Variants in ARSB observed in about 807,000 individuals in gnomAD.
ARSB encodes the protein arylsulfatase B.
A neutral mutation model predicts 50.9 loss-of-function variants in ARSB; 41 were observed. That is an observed-to-expected ratio of 0.81 (90% confidence interval 0.63 to 1.04). The LOEUF (loss-of-function observed/expected upper bound fraction) is 1.04. Among genes scored for constraint, ARSB ranks in the 50% least tolerant of loss-of-function variants. The pLI is 0.00. For synonymous variants in ARSB, 269 were observed against 284.8 expected (o/e 0.94, Z 0.56); for missense variants, 672 against 693.3 (o/e 0.97, Z 0.35).
At chr5:78,889,039 A>C (rs1748164372) in intron 4 of ARSB, among the ~76,000 whole-genome samples, 1 of 152,192 alleles carries the variant, frequency 6.6e-6, no homozygotes, top group Admixed American at 6.5e-5. Flanking sequence ...TTGTACCCCC[A>C]CAGATGGCAC....
chr5:78,942,153 T>C (rs1470598743), intron 4 of ARSB, among the ~76,000 whole-genome samples: 1 of 152,186 alleles, frequency 6.6e-6, no homozygotes, highest in African/African-American at 2.4e-5. Context: ...TTTTATTGCA[T>C]CTATTTGATT....
intron 5 of ARSB, among the ~76,000 whole-genome samples, chr5:78,862,353 G>A (rs1279000602): frequency 3.3e-5 from 5 of 152,110 alleles, no homozygotes; most frequent in African/African-American, 2.4e-5. Context: ...CACGCTACCT[G>A]ACTTCAAACT....
intron 1 of ARSB, among the ~76,000 whole-genome samples, chr5:78,976,086 T>C (rs1322772341): frequency 1.3e-5 from 2 of 152,066 alleles, no homozygotes; most frequent in Non-Finnish European, 2.9e-5. Context: ...AAAATAAATA[T>C]AAAATCGATT....
chr5:78,952,090 C>T (rs61284027), intron 4 of ARSB, among the ~76,000 whole-genome samples: 8,143 of 152,066 alleles, frequency 0.054, 582 homozygotes, highest in African/African-American at 0.16. Flanking sequence ...AATATAGTAT[C>T]AAAATATAAG....
chr5:78,809,209 T>A (rs903221497), intron 6 of ARSB, among the ~76,000 whole-genome samples: 1 of 152,180 alleles, frequency 6.6e-6, no homozygotes, highest in Non-Finnish European at 1.5e-5. Context: ...CCGAGGGGGT[T>A]GCAATCAGTA....
rs1321992181 is a variant in ARSB, at chr5:78,778,144, A to G, written c.*2253T>C. On this transcript the variant is annotated 3_prime_UTR_variant, in exon 8 of 8. Coordinates refer to ENST00000264914, the MANE Select transcript of ARSB (RefSeq NM_000046.5). ...TAGGTGCCCTGTAGCGATGGCCTCC[A>G]ACGGCTACCTACACCCAGCCCTGGG... 1 of 152,192 alleles carries G rather than the reference A, an allele frequency of 6.6e-6. No homozygotes were observed. The highest frequency in any genetic ancestry group is 2.4e-5 in the African/African-American group (1 of 41,432). The allele number at this position is 152,192 out of a possible 1,614,324, so 9.4% of individuals were successfully genotyped here. A position where few individuals can be genotyped will look rare whatever the true frequency, so the allele number is the denominator to read the frequency against.
Position 78,940,643 on chromosome 5 carries a change from T to G in ARSB, c.898+14652A>C, listed in dbSNP as rs1323612714. Among the ~76,000 whole-genome samples, 10 of 152,360 alleles carry G rather than the reference T, an allele frequency of 6.6e-5. No individual in the cohort carries two copies. In the East Asian group the frequency reaches 1.9e-3, roughly 29 times the overall value. ...GGCTCTGTTCTGTTCCATTGGTCTA[T>G]ATCTCTGTTTTGGTACCAGTACCAT... On this transcript the variant is annotated intron_variant, in intron 4 of 7. Transcript: ENST00000264914.
chr5:78,827,685 T>A (rs1744492966), intron 6 of ARSB, among the ~76,000 whole-genome samples: 2 of 152,230 alleles, frequency 1.3e-5, no homozygotes, highest in East Asian at 1.9e-4. Context: ...CTTAAGGATA[T>A]GGGACTTGGA....
intron 6 of ARSB, among the ~76,000 whole-genome samples, chr5:78,807,294 C>A (rs1001262532): frequency 1.5e-4 from 23 of 152,282 alleles, no homozygotes; most frequent in Admixed American, 6.5e-5. Flanking sequence ...TTGGTGGTCC[C>A]CAAGCTCTAT....
At chr5:78,948,161 G>A (rs1751331756) in intron 4 of ARSB, among the ~76,000 whole-genome samples, 1 of 152,104 alleles carries the variant, frequency 6.6e-6, no homozygotes, top group Admixed American at 6.5e-5. Flanking sequence ...GGGTAGGGGG[G>A]AAGTGGGTAT....
chr5:78,932,690 T>G (rs1750386967), intron 4 of ARSB, among the ~76,000 whole-genome samples: 1 of 152,216 alleles, frequency 6.6e-6, no homozygotes, highest in African/African-American at 2.4e-5. Flanking sequence ...CTTCTTCATC[T>G]AGAAATTGGG....
intron 4 of ARSB, among the ~76,000 whole-genome samples, chr5:78,908,618 G>A (rs1749170009): frequency 6.6e-6 from 1 of 152,176 alleles, no homozygotes; most frequent in Non-Finnish European, 1.5e-5. Flanking sequence ...CTCAGTTAAT[G>A]GCTTGAGTGT....
At chr5:78,813,224 C>T (rs776803640) in intron 6 of ARSB, among the ~76,000 whole-genome samples, 7 of 151,950 alleles carry the variant, frequency 4.6e-5, no homozygotes, top group Non-Finnish European at 8.8e-5. Context: ...GCCACCACAC[C>T]GGCTAATTTT....
At chr5:78,955,950 C>T (rs1246240445) in intron 3 of ARSB, among the ~76,000 whole-genome samples, 1 of 152,150 alleles carries the variant, frequency 6.6e-6, no homozygotes, top group Admixed American at 6.5e-5. Flanking sequence ...TAAAATGGCA[C>T]ACATAGCCAC....
At chr5:78,865,739 C>T (rs1333790717) in intron 5 of ARSB, among the ~76,000 whole-genome samples, 3 of 152,176 alleles carry the variant, frequency 2.0e-5, no homozygotes, top group East Asian at 1.9e-4. Context: ...TGCTTTGCTG[C>T]TTAGAAATTT....
intron 6 of ARSB, among the ~76,000 whole-genome samples, chr5:78,808,108 A>AC (rs1743648006): frequency 6.6e-6 from 1 of 150,460 alleles, no homozygotes; most frequent in South Asian, 2.1e-4. Flanking sequence ...AAAAAAAAAA[A>AC]AAAAAAAAAA....
Position 78,955,580 on chromosome 5 carries a change from A to C in ARSB, c.691-78T>G, listed in dbSNP as rs1378503749. On this transcript the variant is annotated intron_variant, in intron 3 of 7. Coordinates refer to ENST00000264914, the MANE Select transcript of ARSB (RefSeq NM_000046.5). Reference sequence around the variant, plus strand: ...TAGAAGGATAAGACAGTTCAGATTTATGCATTAATAAAAATAATATCAAGA... The same window carrying C: ...TAGAAGGATAAGACAGTTCAGATTTCTGCATTAATAAAAATAATATCAAGA... 9.2e-6 allele frequency: 11 copies of C among 1,190,930 alleles called. No homozygotes were observed. In the East Asian group the frequency reaches 2.6e-4, roughly 28 times the overall value. 73.8% of individuals were successfully genotyped at this position (1,190,930 alleles called of 1,614,324 possible).
chr5:78,900,246 C>T (rs1168022227), intron 4 of ARSB, among the ~76,000 whole-genome samples: 4 of 152,114 alleles, frequency 2.6e-5, no homozygotes, highest in Admixed American at 2.6e-4. Context: ...TTTGGTGTCT[C>T]ATTTGGCTGA....
intron 5 of ARSB, among the ~76,000 whole-genome samples, chr5:78,863,557 T>G (rs1385575809): frequency 2.5e-5 from 3 of 119,492 alleles, no homozygotes; most frequent in South Asian, 2.7e-4. Flanking sequence ...AATTGAACAA[T>G]GAGGACACTT....
Sources: gnomAD v4.1 joint callset for allele counts (sites outside exome capture counted in the v4.1 genomes callset) on GRCh38, gnomAD v4.1.1 for gene constraint, MANE v1.5 for transcripts, NCBI Gene and HGNC (gene_info 2026-07-23, HGNC 2026-07-21) for gene names.